Variants in CSMD1 observed in about 807,000 individuals in gnomAD.
The protein encoded by CSMD1 is CUB and Sushi multiple domains 1.
A neutral mutation model predicts 417.5 loss-of-function variants in CSMD1; 213 were observed. That is an observed-to-expected ratio of 0.51 (90% CI 0.46 to 0.57). The LOEUF (loss-of-function observed/expected upper bound fraction) is 0.57, where lower values mean the gene tolerates loss of function less well. Ranked by LOEUF, CSMD1 falls within the 20% of genes least tolerant of loss-of-function variation. The probability of loss-of-function intolerance (pLI) is 0.00; values close to 1 mark genes in which losing one functional copy is unlikely to be tolerated. For synonymous variants in CSMD1, 2,862 were observed against 1,736.8 expected (o/e 1.65, Z -16.11); for missense variants, 6,923 against 4,529.7 (o/e 1.53, Z -15.17).
intron 26 of CSMD1, among the ~76,000 whole-genome samples, chr8:3,243,646 C>T (rs1799690040): frequency 6.6e-6 from 1 of 151,986 alleles, no homozygotes; most frequent in African/African-American, 2.4e-5. Context: ...AGGAACTGGC[C>T]ATCTGGATGT....
chr8:4,899,742 G>C (rs1173837355), intron 1 of CSMD1, among the ~76,000 whole-genome samples: 1 of 152,056 alleles, frequency 6.6e-6, no homozygotes, highest in East Asian at 1.9e-4. Flanking sequence ...TTTCTTGTGG[G>C]AAAAGAAAAA....
intron 6 of CSMD1, among the ~76,000 whole-genome samples, chr8:3,735,664 T>G (rs28587021): frequency 0.016 from 2,408 of 152,274 alleles, 60 homozygotes; most frequent in African/African-American, 0.053. Context: ...GGCTGAGAAA[T>G]GGGCTGCCCT....
At chr8:4,990,577 C>CCACCCAAGG in intron 1 of CSMD1, among the ~76,000 whole-genome samples, 1 of 152,122 alleles carries the variant, frequency 6.6e-6, no homozygotes, top group Admixed American at 6.5e-5. Context: ...GTTGGTCAAG[C>CCACCCAAGG]TGGTCTCCTG....
intron 1 of CSMD1, among the ~76,000 whole-genome samples, chr8:4,993,872 G>T (rs2117492258): frequency 6.6e-6 from 1 of 152,172 alleles, no homozygotes; most frequent in African/African-American, 2.4e-5. Flanking sequence ...CAAAACCCCC[G>T]TAGAGAGCCC....
At chr8:3,504,455 C>A (rs1480015213) in intron 10 of CSMD1, among the ~76,000 whole-genome samples, 2 of 152,158 alleles carry the variant, frequency 1.3e-5, no homozygotes, top group East Asian at 3.9e-4. Context: ...TTCTTCTTGG[C>A]ATCCAGCAGA....
intron 30 of CSMD1, among the ~76,000 whole-genome samples, chr8:3,210,421 C>T (rs1336904977): frequency 1.4e-5 from 1 of 69,422 alleles, no homozygotes; most frequent in African/African-American, 6.5e-5. Context: ...TATATATGAC[C>T]TATATATATA....
At chr8:4,827,758 G>C (rs1018056269) in intron 1 of CSMD1, among the ~76,000 whole-genome samples, 2 of 152,014 alleles carry the variant, frequency 1.3e-5, no homozygotes, top group East Asian at 3.9e-4. Context: ...TTCCCCCAAA[G>C]GATTTCATTA....
intron 1 of CSMD1, among the ~76,000 whole-genome samples, chr8:4,851,801 T>C (rs1271961825): frequency 6.6e-6 from 1 of 152,168 alleles, no homozygotes; most frequent in African/African-American, 2.4e-5. Flanking sequence ...CCCCTTTAAC[T>C]TGTGTGATTA....
At chr8:3,881,301 T>C (rs533445987) in intron 5 of CSMD1, among the ~76,000 whole-genome samples, 2 of 150,754 alleles carry the variant, frequency 1.3e-5, no homozygotes, top group African/African-American at 2.4e-5. Flanking sequence ...AATTCTAATA[T>C]TTCCATTGAA....
intron 69 of CSMD1, among the ~76,000 whole-genome samples, chr8:2,940,623 T>G (rs1165051046): frequency 6.6e-6 from 1 of 152,210 alleles, no homozygotes; most frequent in Non-Finnish European, 1.5e-5. Flanking sequence ...CGACTAAAAC[T>G]GGTGTGTATG....
chr8:4,903,542 T>A (rs1805039367), intron 1 of CSMD1, among the ~76,000 whole-genome samples: 1 of 152,232 alleles, frequency 6.6e-6, no homozygotes, highest in Admixed American at 6.5e-5. Context: ...AGGAGATATA[T>A]TTAGCAGCAT....
At chr8:3,906,777 T>C (rs1479188039) in intron 5 of CSMD1, among the ~76,000 whole-genome samples, 1 of 152,222 alleles carries the variant, frequency 6.6e-6, no homozygotes, top group Non-Finnish European at 1.5e-5. Flanking sequence ...AAATGACTTT[T>C]ATATTGAACA....
intron 5 of CSMD1, among the ~76,000 whole-genome samples, chr8:3,841,144 T>G (rs1803107152): frequency 6.6e-6 from 1 of 152,100 alleles, no homozygotes; most frequent in Non-Finnish European, 1.5e-5. Context: ...CTCATGAGGG[T>G]ACTCATCGAT....
chr8:3,738,265 G>A (rs984205356), intron 6 of CSMD1, among the ~76,000 whole-genome samples: 1 of 152,128 alleles, frequency 6.6e-6, no homozygotes, highest in Non-Finnish European at 1.5e-5. Flanking sequence ...AGAAAATAGC[G>A]ACGATCACAG....
intron 1 of CSMD1, among the ~76,000 whole-genome samples, chr8:4,912,925 A>G (rs954081892): frequency 6.6e-6 from 1 of 152,146 alleles, no homozygotes; most frequent in Non-Finnish European, 1.5e-5. Context: ...AGCTGGGACT[A>G]CAGGCACCCA....
intron 5 of CSMD1, among the ~76,000 whole-genome samples, chr8:3,973,282 G>T (rs375613027): frequency 6.6e-6 from 1 of 152,284 alleles, no homozygotes; most frequent in African/African-American, 2.4e-5. Flanking sequence ...CCTCTTTAGG[G>T]TTCTCCCACC....
chr8:4,224,223 G>A (rs1463626916), intron 3 of CSMD1, among the ~76,000 whole-genome samples: 2 of 30,792 alleles, frequency 6.5e-5, no homozygotes, highest in Non-Finnish European at 1.2e-4. Flanking sequence ...GTCCTAAAAA[G>A]GCCTTTTTCA....
chr8:3,811,515 T>A (rs75558766), intron 5 of CSMD1, among the ~76,000 whole-genome samples: 2 of 152,118 alleles, frequency 1.3e-5, no homozygotes, highest in Non-Finnish European at 2.9e-5. Context: ...AGCAGAGTTG[T>A]TCCCTGGTGT....
intron 3 of CSMD1, among the ~76,000 whole-genome samples, chr8:4,105,977 C>G (rs553314857): frequency 6.6e-6 from 1 of 152,288 alleles, no homozygotes; most frequent in African/African-American, 2.4e-5. Context: ...AACTTCACCA[C>G]AGGAAAATGT....
Sources: gnomAD v4.1 joint callset for allele counts (sites outside exome capture counted in the v4.1 genomes callset) on GRCh38, gnomAD v4.1.1 for gene constraint, MANE v1.5 for transcripts, NCBI Gene and HGNC (gene_info 2026-07-23, HGNC 2026-07-21) for gene names.